The following MYH15 variants were observed in gnomAD, a reference collection of about 807,000 sequenced individuals.
MYH15 encodes myosin-15.
Under a neutral mutation model 240.5 loss-of-function variants are expected in MYH15, and 227 were observed. That is an observed-to-expected ratio of 0.94 (90% CI 0.85 to 1.05). The LOEUF (loss-of-function observed/expected upper bound fraction) is 1.05, where lower values mean the gene tolerates loss of function less well. Ranked by LOEUF, MYH15 falls within the 50% of genes least tolerant of loss-of-function variation. MYH15 has a pLI of 0.00. For synonymous variants in MYH15, 785 were observed against 796.7 expected, an observed-to-expected ratio of 0.99 and a Z score of 0.25; for missense variants, 2,217 against 2,247.5, an observed-to-expected ratio of 0.99 and a Z score of 0.27.
upstream of MYH15, among the ~76,000 whole-genome samples, chr3:108,533,302 A>C (rs780573399): frequency 6.6e-6 from 1 of 151,938 alleles, no homozygotes; most frequent in African/African-American, 2.4e-5. Flanking sequence ...GGCAATAAAA[A>C]CACTAAATTA....
At chr3:108,465,545 T>C (rs934918523) in intron 14 of MYH15, among the ~76,000 whole-genome samples, 5 of 152,190 alleles carry the variant, frequency 3.3e-5, no homozygotes, top group Non-Finnish European at 7.3e-5. Context: ...AGAGGATCAT[T>C]GGTTTAGAAA....
At chr3:108,532,680 C>G (rs762889681), upstream of MYH15, among the ~76,000 whole-genome samples, 1 of 152,152 alleles carries the variant, frequency 6.6e-6, no homozygotes, top group East Asian at 1.9e-4. Flanking sequence ...TCTGCAGAAC[C>G]TTGACTAATA....
At chr3:108,496,608 A>G (rs1176874542) in intron 6 of MYH15, among the ~76,000 whole-genome samples, 1 of 152,186 alleles carries the variant, frequency 6.6e-6, no homozygotes, top group Non-Finnish European at 1.5e-5. Flanking sequence ...CTTATATAGT[A>G]TACTGTACTC....
chr3:108,536,331 G>C, the MYH15 span, among the ~76,000 whole-genome samples: 1 of 152,128 alleles, frequency 6.6e-6, no homozygotes, highest in African/African-American at 2.4e-5. Context: ...GGAAAAGGGG[G>C]TTGATGACAT....
chr3:108,522,887 A>T (rs1488751661), intron 1 of MYH15, among the ~76,000 whole-genome samples: 2 of 152,116 alleles, frequency 1.3e-5, no homozygotes, highest in African/African-American at 4.8e-5. Context: ...TAGGTGATAC[A>T]GGGAGGAAAA....
At chr3:108,450,642 G>A (rs1268478278) in intron 21 of MYH15, among the ~76,000 whole-genome samples, 1 of 152,108 alleles carries the variant, frequency 6.6e-6, no homozygotes, top group Non-Finnish European at 1.5e-5. Context: ...GGTAACCACA[G>A]TTAATAATAC....
intron 6 of MYH15, among the ~76,000 whole-genome samples, chr3:108,496,797 G>A (rs1308294160): frequency 2.3e-5 from 3 of 131,414 alleles, no homozygotes; most frequent in East Asian, 2.0e-4. Flanking sequence ...CATTTAATGC[G>A]CACCAAAAAA....
intron 7 of MYH15, among the ~76,000 whole-genome samples, chr3:108,495,348 A>G (rs1329573186): frequency 6.6e-6 from 1 of 152,244 alleles, no homozygotes; most frequent in Non-Finnish European, 1.5e-5. Flanking sequence ...AGGAGGCCAC[A>G]GGCAACAGTA....
At chr3:108,517,479 C>T (rs1559675030) in intron 1 of MYH15, among the ~76,000 whole-genome samples, 2 of 152,064 alleles carry the variant, frequency 1.3e-5, no homozygotes, top group Non-Finnish European at 2.9e-5. Context: ...ATTACAGGTG[C>T]CCAACACCAT....
upstream of MYH15, among the ~76,000 whole-genome samples, chr3:108,529,889 T>A (rs1372088242): frequency 6.6e-6 from 1 of 151,760 alleles, no homozygotes; most frequent in Admixed American, 6.6e-5. Flanking sequence ...ATGGCTAGAG[T>A]TTATAGAGCA....
At chr3:108,492,320 G>T (rs1194681330) in intron 9 of MYH15, among the ~76,000 whole-genome samples, 180 bp downstream of exon 9, 1 of 151,938 alleles carries the variant, frequency 6.6e-6, no homozygotes, top group East Asian at 1.9e-4. Flanking sequence ...TTTACTGTCT[G>T]TCCATATAAA....
chr3:108,532,061 TGAGCTTTTCTCAA>T (rs2083714916), upstream of MYH15, among the ~76,000 whole-genome samples: 1 of 152,074 alleles, frequency 6.6e-6, no homozygotes, highest in Non-Finnish European at 1.5e-5. Context: ...AGAAAGTAGT[TGAGCTTTTCTCAA>T]GAAAGAGAAA....
chr3:108,458,094 A>G (rs764724174), intron 18 of MYH15, among the ~76,000 whole-genome samples: 5 of 152,188 alleles, frequency 3.3e-5, no homozygotes, highest in Non-Finnish European at 7.3e-5. Flanking sequence ...GTAGAATCCT[A>G]TGACACCTTA....
chr3:108,453,877 A>G (rs1036307742), intron 21 of MYH15, 129 bp downstream of exon 21: 6 of 893,048 alleles, frequency 6.7e-6, no homozygotes, highest in Non-Finnish European at 9.7e-6. Flanking sequence ...CTCATGATTT[A>G]AAAATGTTTA....
At chr3:108,460,824 GT>G in intron 16 of MYH15, among the ~76,000 whole-genome samples, 1 of 152,106 alleles carries the variant, frequency 6.6e-6, no homozygotes, top group East Asian at 1.9e-4. Flanking sequence ...ATGTATACAT[GT>G]TTTTTTAAGT....
chr3:108,488,497 G>A (rs552199806), intron 9 of MYH15, among the ~76,000 whole-genome samples: 10 of 151,944 alleles, frequency 6.6e-5, no homozygotes, highest in African/African-American at 1.2e-4. Flanking sequence ...TTGTAGAAAC[G>A]GGGTCTTGCT....
chr3:108,523,207 A>C (rs2083635923), intron 1 of MYH15, among the ~76,000 whole-genome samples: 2 of 152,066 alleles, frequency 1.3e-5, no homozygotes, highest in Non-Finnish European at 2.9e-5. Flanking sequence ...CAAATTGGCT[A>C]TCTCTGGATG....
chr3:108,415,635 C>T (rs138146261), intron 29 of MYH15, among the ~76,000 whole-genome samples: 254 of 152,264 alleles, frequency 1.7e-3, no homozygotes, highest in African/African-American at 5.9e-3. Context: ...AAAACAAACA[C>T]AGCAGATAAA....
At chr3:108,454,179 G>T in intron 20 of MYH15, 37 bp from the exon 21 acceptor site, 2 of 1,578,450 alleles carry the variant, frequency 1.3e-6, no homozygotes. Context: ...CACTGATAAT[G>T]GGTATTCAGC....
Sources: allele counts gnomAD v4.1 joint callset (sites outside exome capture counted in the v4.1 genomes callset), GRCh38; gene constraint gnomAD v4.1.1; transcripts MANE v1.5; gene names NCBI Gene and HGNC (gene_info 2026-07-23, HGNC 2026-07-21).